TRIM37: variants seen among roughly 807,000 people sequenced by gnomAD.
TRIM37 encodes tripartite motif containing 37.
A neutral mutation model predicts 129.8 loss-of-function variants in TRIM37; 80 were observed. The observed-to-expected ratio is 0.62, with a 90% CI of 0.51 to 0.74. The LOEUF (loss-of-function observed/expected upper bound fraction) is 0.74, where lower values mean the gene tolerates loss of function less well. Ranked by LOEUF, TRIM37 falls within the 30% of genes least tolerant of loss-of-function variation. The probability of loss-of-function intolerance (pLI) is 0.00; values close to 1 mark genes in which losing one functional copy is unlikely to be tolerated. For missense variants in TRIM37, 1,054 were observed against 1,176.5 expected, an observed-to-expected ratio of 0.90 and a Z score of 1.52; for synonymous variants, 389 against 387.1, an observed-to-expected ratio of 1.00 and a Z score of -0.06.
At chr17:59,030,464 T>C (rs942378329) in intron 18 of TRIM37, among the ~76,000 whole-genome samples, 1 of 152,244 alleles carries the variant, frequency 6.6e-6, no homozygotes, top group Non-Finnish European at 1.5e-5. Context: ...CACACTGTTA[T>C]GCCCAACTCA....
At chr17:59,033,304 T>C (rs1220385489) in intron 17 of TRIM37, among the ~76,000 whole-genome samples, 1 of 152,158 alleles carries the variant, frequency 6.6e-6, no homozygotes, top group East Asian at 1.9e-4. Flanking sequence ...CATCCTCATG[T>C]TCTCACTGTC....
chr17:59,017,688 G>A (rs1397582428), intron 19 of TRIM37, among the ~76,000 whole-genome samples: 1 of 151,658 alleles, frequency 6.6e-6, no homozygotes. Context: ...GCAATGGAGC[G>A]ATCTTGGCTC....
chr17:59,034,344 C>T (rs1174725644), intron 17 of TRIM37, among the ~76,000 whole-genome samples: 4 of 151,912 alleles, frequency 2.6e-5, no homozygotes, highest in African/African-American at 7.3e-5. Flanking sequence ...CACTACTGAA[C>T]AAAAACTGCT....
At chr17:59,001,887 G>T (rs907790310) in intron 22 of TRIM37, 173 bp from the exon 23 acceptor site, 1 of 944,774 alleles carries the variant, frequency 1.1e-6, no homozygotes, top group Non-Finnish European at 1.6e-6. Context: ...CACAAACCTC[G>T]ATTCTCTTTA....
chr17:59,088,045 C>A lies in TRIM37; in HGVS notation c.281+246G>T, dbSNP rs578048404. The A allele has an allele frequency of 1.0e-5, 6 of 595,118 alleles. No individual in the cohort carries two copies. The African/African-American group carries it at 1.1e-4, about 11-fold the overall frequency. 36.9% of individuals were successfully genotyped at this position (595,118 alleles called of 1,614,324 possible). ...TGTATGCCTATCATCTAGCAAAGTACTTTCTGTGTGGGGGGAGGGGAGGGC... is the reference window on the plus strand; with the variant it reads ...TGTATGCCTATCATCTAGCAAAGTAATTTCTGTGTGGGGGGAGGGGAGGGC... On this transcript the variant is annotated intron_variant, in intron 4 of 23. Transcript: ENST00000262294.
intron 19 of TRIM37, among the ~76,000 whole-genome samples, chr17:59,021,500 CGTTAT>C (rs1372859094): frequency 6.6e-6 from 1 of 152,022 alleles, no homozygotes; most frequent in East Asian, 1.9e-4. Flanking sequence ...AACTGGAGAT[CGTTAT>C]GTTAAGTGAA....
rs1266543283 is a variant in TRIM37, at chr17:59,045,021, A to C, written c.1667+2662T>G. On this transcript the variant is annotated intron_variant, in intron 16 of 23. Transcript: ENST00000262294. ...TACTCCAGCCTGGCCACAAAGCCAG[A>C]TTCTCTTAGGAAAAAAAAAAAATTG... 5.9e-5 allele frequency among the ~76,000 whole-genome samples: 9 copies of C among 151,476 alleles called. No homozygotes were observed. The East Asian group carries it at 1.6e-3, about 26-fold the overall frequency.
intron 1 of TRIM37, among the ~76,000 whole-genome samples, chr17:59,105,825 A>C (rs1280495044): frequency 6.6e-6 from 1 of 152,246 alleles, no homozygotes; most frequent in Non-Finnish European, 1.5e-5. Flanking sequence ...TGAAAGGTTC[A>C]AAATTTGATA....
At chr17:59,104,569 AT>A in intron 1 of TRIM37, 175 bp from the exon 2 acceptor site, 1 of 767,740 alleles carries the variant, frequency 1.3e-6, no homozygotes. Flanking sequence ...CATCTGGAAA[AT>A]GTACTCCCGT....
At chr17:58,993,831 C>G (rs746995959), downstream of TRIM37, among the ~76,000 whole-genome samples, 1 of 152,080 alleles carries the variant, frequency 6.6e-6, no homozygotes, top group East Asian at 1.9e-4. Context: ...TAGACCATAA[C>G]AGATGAACCT....
intron 5 of TRIM37, among the ~76,000 whole-genome samples, chr17:59,081,851 G>A (rs1022128182): frequency 6.7e-6 from 1 of 149,034 alleles, no homozygotes; most frequent in African/African-American, 2.5e-5. Flanking sequence ...AGCTTACAGT[G>A]AGCTGTGATC....
At chr17:58,979,017 T>C (rs1488789758), downstream of TRIM37, among the ~76,000 whole-genome samples, 1 of 152,142 alleles carries the variant, frequency 6.6e-6, no homozygotes, top group Non-Finnish European at 1.5e-5. Context: ...TCCTGTTCCC[T>C]CAATTGAGGC....
intron 2 of TRIM37, among the ~76,000 whole-genome samples, chr17:59,101,695 TACACAC>T (rs927750157): frequency 1.6e-4 from 14 of 89,658 alleles, no homozygotes; most frequent in Admixed American, 3.8e-4. Flanking sequence ...TATATATATA[TACACAC>T]ACACACACAC....
downstream of TRIM37, among the ~76,000 whole-genome samples, chr17:58,979,160 TG>T (rs1199468539): frequency 6.6e-6 from 1 of 152,144 alleles, no homozygotes; most frequent in African/African-American, 2.4e-5. Flanking sequence ...CAGTTGTTAA[TG>T]AGTGGGGAAA....
At chr17:59,048,093 C>T (rs558353823) in intron 15 of TRIM37, among the ~76,000 whole-genome samples, 7 of 152,214 alleles carry the variant, frequency 4.6e-5, no homozygotes, top group South Asian at 4.2e-4. Context: ...CACAGAGTAA[C>T]GTTTCAAACC....
chr17:58,982,282 A>C (rs2031402109), downstream of TRIM37: 1 of 152,432 alleles, frequency 6.6e-6, no homozygotes, highest in African/African-American at 2.4e-5. Flanking sequence ...CTATTTCTGC[A>C]GTTTCAAGTT....
intron 17 of TRIM37, among the ~76,000 whole-genome samples, chr17:59,039,924 G>A (rs557655756): frequency 8.7e-4 from 132 of 152,008 alleles, no homozygotes; most frequent in African/African-American, 3.0e-3. Flanking sequence ...TTGACACAGG[G>A]TCTCACTCTG....
chr17:58,974,843 G>T, the TRIM37 span, among the ~76,000 whole-genome samples: 5 of 152,120 alleles, frequency 3.3e-5, no homozygotes. Flanking sequence ...CTGTGAAGTG[G>T]CCCAAATATG....
chr17:59,094,798 T>C (rs951052590), intron 2 of TRIM37, among the ~76,000 whole-genome samples: 2 of 152,138 alleles, frequency 1.3e-5, no homozygotes, highest in Admixed American at 6.5e-5. Flanking sequence ...AAACCTCTTA[T>C]AGAGACGATA....
Sources: allele counts gnomAD v4.1 joint callset (sites outside exome capture counted in the v4.1 genomes callset), GRCh38; gene constraint gnomAD v4.1.1; transcripts MANE v1.5; gene names NCBI Gene and HGNC (gene_info 2026-07-23, HGNC 2026-07-21).